The following ERVV-2 variants were observed in gnomAD, a reference collection of about 807,000 sequenced individuals.
ERVV-2 encodes the protein endogenous retrovirus group V member 2 Env polyprotein.
For missense variants in ERVV-2, 291 were observed against 495.1 expected (o/e 0.59, Z 3.91); for synonymous variants, 105 against 184.6 (o/e 0.57, Z 3.49).
In ERVV-2 at chr19:53,050,979, G is replaced by C. The variant is rs2083911194; in HGVS notation, c.*120G>C. The C allele has an allele frequency of 9.9e-7, 1 of 1,007,702 alleles. No individual in the cohort carries two copies. The highest frequency in any genetic ancestry group is 1.4e-6 in the Non-Finnish European group (1 of 713,430). 62.4% of individuals were successfully genotyped at this position (1,007,702 alleles called of 1,614,324 possible). The stretch of plus-strand genomic sequence containing the variant: ...TTTCAGGGTCTCCATCTCTTGAGGA[G>C]GGAAATATTAGGGTAGGCAGGTAGG... On this transcript the variant is annotated 3_prime_UTR_variant, in exon 2 of 2. Coordinates refer to ENST00000601417, the MANE Select transcript of ERVV-2 (RefSeq NM_001191055.2).
At position 53,050,473 on chromosome 19, in the gene ERVV-2, G is replaced by C. The variant is rs1650984; in HGVS notation, c.1222G>C (p.Val408Leu). ...VCAVINKSCC[V>L]YVNNSGAIEE... is the part of the protein sequence containing the mutation. ...TGCAGTGATCAATAAATCCTGTTGC[G>C]TTTATGTCAATAACAGTGGGGCGAT... The change falls in exon 2 of 2, where the codon GTT becomes CTT. Residue 408 changes from valine (V) to leucine (L), a missense_variant. Transcript: ENST00000601417. 2.8e-6 allele frequency: 2 copies of C among 723,296 alleles called. No homozygotes were observed. The highest frequency in any genetic ancestry group is 2.0e-5 in the Admixed American group (1 of 50,012). The allele number at this position is 723,296 out of a possible 1,614,324, so 44.8% of individuals were successfully genotyped here.
chr19:53,046,877 C>T lies in ERVV-2; in HGVS notation c.-386+1919C>T, dbSNP rs111824018. ...GACCAGCCTGATCAACATGGAGAAACCCCGTATCGGCTGGGCACGGTGGCT... is the reference window on the plus strand; with the variant it reads ...GACCAGCCTGATCAACATGGAGAAATCCCGTATCGGCTGGGCACGGTGGCT... On this transcript the variant is annotated intron_variant, in intron 1 of 1. Transcript: ENST00000601417. 4.3e-3 allele frequency among the ~76,000 whole-genome samples: 660 copies of T among 152,260 alleles called. 7 individuals are homozygous for T. The highest frequency in any genetic ancestry group is 0.015 in the African/African-American group (625 of 41,552).
rs554237101 is a variant in ERVV-2 at position 53,045,627 on chromosome 19, C to T, written c.-386+669C>T. 8.8e-4 allele frequency among the ~76,000 whole-genome samples: 134 copies of T among 152,222 alleles called. 1 individual carries two copies. Among genetic ancestry groups the T allele is most frequent in the African/African-American group, 3.2e-3 (131 of 41,544 alleles). On this transcript the variant is annotated intron_variant, in intron 1 of 1. Transcript: ENST00000601417. ...ATATCTTTTAATTAAAACTACAATC[C>T]GGTGTTAAGTCAGCTCTTATACTTG... is the stretch of plus-strand genomic sequence containing the variant.
Position 53,050,458 on chromosome 19 carries a change from A to C in ERVV-2, c.1207A>C (p.Asn403His). 2.8e-6 allele frequency: 2 copies of C among 723,766 alleles called. No individual in the cohort carries two copies. Among genetic ancestry groups the C allele is most frequent in the South Asian group, 1.5e-5 (1 of 67,952 alleles). The allele number at this position is 723,766 out of a possible 1,614,324, so 44.8% of individuals were successfully genotyped here. The change falls in exon 2 of 2, where the codon AAT (asparagine) becomes CAT (histidine). Residue 403 changes from asparagine to histidine, a missense_variant. Physicochemically the swap from Asn to His is moderately conservative, Grantham distance 68 (BLOSUM62 1). Transcript: ENST00000601417. ...AEQGGVCAVINKSCCVYVNNS... is the reference protein window; with the variant it reads ...AEQGGVCAVIHKSCCVYVNNS... ...GCAGGGTGGAGTCTGTGCAGTGATC[A>C]ATAAATCCTGTTGCGTTTATGTCAA...
chr19:53,048,892 T>C lies in ERVV-2; in HGVS notation c.-360T>C, dbSNP rs78814385. The stretch of plus-strand genomic sequence containing the variant: ...CTATCAACATTTCTGGCATCTCCAG[T>C]TGGATACATCAGTCTCAAGTGAAAC... On this transcript the variant is annotated 5_prime_UTR_variant, in exon 2 of 2. Coordinates refer to ENST00000601417, the MANE Select transcript of ERVV-2 (RefSeq NM_001191055.2). The C allele has an allele frequency of 0.14, 57,861 of 414,878 alleles. 4,223 individuals carry two copies. The highest frequency in any genetic ancestry group is 0.19 in the Admixed American group (4,641 of 24,850). The allele number at this position is 414,878 out of a possible 1,614,324, so 25.7% of individuals were successfully genotyped here. A position where few individuals can be genotyped will look rare whatever the true frequency, so the allele number is the denominator to read the frequency against.
At position 53,050,705 on chromosome 19, in the gene ERVV-2, T is replaced by G; in HGVS notation, c.1454T>G (p.Val485Gly). The G allele has an allele frequency of 6.5e-7, 1 of 1,533,586 alleles. No individual in the cohort carries two copies. Among genetic ancestry groups the G allele is most frequent in the South Asian group, 1.2e-5 (1 of 84,010 alleles). 95.0% of individuals were successfully genotyped at this position (1,533,586 alleles called of 1,614,324 possible). ...PCFFNLLIKC[V>G]SSRIKQFHMK... The stretch of plus-strand genomic sequence containing the variant: ...TTCTTTAATTTACTGATTAAGTGTG[T>G]CTCTTCTAGGATAAAGCAATTTCAC... Residue 485 changes from valine (V) to glycine (G), a missense_variant, in exon 2 of 2, where the codon GTC becomes GGC. Val to Gly is a moderately radical substitution (Grantham distance 109). Transcript: ENST00000601417.
Position 53,049,039 on chromosome 19 carries a change from G to T in ERVV-2, c.-213G>T. The T allele has an allele frequency of 2.9e-6, 2 of 684,734 alleles. No individual in the cohort carries two copies. Among genetic ancestry groups the T allele is most frequent in the Non-Finnish European group, 4.8e-6 (2 of 415,214 alleles). The allele number at this position is 684,734 out of a possible 1,614,324, so 42.4% of individuals were successfully genotyped here. On this transcript the variant is annotated 5_prime_UTR_variant, in exon 2 of 2. Transcript: ENST00000601417. ...AAAAGATAAGTAAAGCCTTCTCTCTGTTCACCCAAAACTAAAGTCAATCTC... is the reference window on the plus strand; with the variant it reads ...AAAAGATAAGTAAAGCCTTCTCTCTTTTCACCCAAAACTAAAGTCAATCTC...
At chr19:53,046,591 A>G (rs2083891982) in intron 1 of ERVV-2, among the ~76,000 whole-genome samples, 1 of 152,190 alleles carries the variant, frequency 6.6e-6, no homozygotes. Context: ...GGACTAAAAA[A>G]CCAGAATCAA....
chr19:53,047,735 A>T (rs2083896449), intron 1 of ERVV-2, among the ~76,000 whole-genome samples: 2 of 152,190 alleles, frequency 1.3e-5, no homozygotes, highest in South Asian at 4.1e-4. Flanking sequence ...CACTTCCTCT[A>T]TCCTGCATTC....
In ERVV-2 at chr19:53,048,260, G is replaced by C. The variant is rs189904311; in HGVS notation, c.-385-607G>C. The stretch of plus-strand genomic sequence containing the variant: ...ATGGTGGCGGTCACCTGTAATCTCA[G>C]CTACTCGAGAGGCTGAGGCAGGAGA... On this transcript the variant is annotated intron_variant, in intron 1 of 1. Coordinates refer to ENST00000601417, the MANE Select transcript of ERVV-2 (RefSeq NM_001191055.2). Among the ~76,000 whole-genome samples the C allele has an allele frequency of 3.2e-3, 481 of 152,238 alleles. 2 individuals carry two copies. The highest frequency in any genetic ancestry group is 0.018 in the South Asian group (89 of 4,826).
intron 1 of ERVV-2, among the ~76,000 whole-genome samples, chr19:53,045,833 C>G (rs533880966): frequency 2.0e-5 from 3 of 152,274 alleles, no homozygotes; most frequent in African/African-American, 7.2e-5. Flanking sequence ...TTGCTTCACT[C>G]AGGCGCCAGA....
At position 53,049,044 on chromosome 19, in the gene ERVV-2, C is replaced by T. The variant is rs1458881231; in HGVS notation, c.-208C>T. The T allele has an allele frequency of 1.4e-6, 1 of 709,748 alleles. No homozygotes were observed. The highest frequency in any genetic ancestry group is 2.3e-6 in the Non-Finnish European group (1 of 438,076). 44.0% of individuals were successfully genotyped at this position (709,748 alleles called of 1,614,324 possible). On this transcript the variant is annotated 5_prime_UTR_variant, in exon 2 of 2. Transcript: ENST00000601417. ...ATAAGTAAAGCCTTCTCTCTGTTCA[C>T]CCAAAACTAAAGTCAATCTCAGTAC... is the stretch of plus-strand genomic sequence containing the variant.
rs1054425985 is a variant in ERVV-2 at position 53,050,936 on chromosome 19, G to A, written c.*77G>A. On this transcript the variant is annotated 3_prime_UTR_variant, in exon 2 of 2. Coordinates refer to ENST00000601417, the MANE Select transcript of ERVV-2 (RefSeq NM_001191055.2). ...GAAGTAGTTACAGAAGACCCACGAC[G>A]TCCTTACAACCAGAGCTTTTCAGGG... The A allele has an allele frequency of 1.5e-5, 20 of 1,347,502 alleles. No homozygotes were observed. The highest frequency in any genetic ancestry group is 1.8e-5 in the Non-Finnish European group (18 of 1,017,096). 83.5% of individuals were successfully genotyped at this position (1,347,502 alleles called of 1,614,324 possible). A position where few individuals can be genotyped will look rare whatever the true frequency, so the allele number is the denominator to read the frequency against.
In ERVV-2 at chr19:53,044,880, A is replaced by G. The variant is rs1193458086; in HGVS notation, c.-464A>G. ...TTGACTGAATCCAAGAAGACCAAGAACCAGAGGACTTCCACACCCCTCTGG... is the reference window on the plus strand; with the variant it reads ...TTGACTGAATCCAAGAAGACCAAGAGCCAGAGGACTTCCACACCCCTCTGG... On this transcript the variant is annotated 5_prime_UTR_variant, in exon 1 of 2. Transcript: ENST00000601417. The G allele has an allele frequency of 6.6e-6, 1 of 152,186 alleles. No homozygotes were observed. The highest frequency in any genetic ancestry group is 1.9e-4 in the East Asian group (1 of 5,182). 9.4% of individuals were successfully genotyped at this position (152,186 alleles called of 1,614,324 possible). A position where few individuals can be genotyped will look rare whatever the true frequency, so the allele number is the denominator to read the frequency against.
In ERVV-2 at chr19:53,045,427, C is replaced by T. The variant is rs182450685; in HGVS notation, c.-386+469C>T. ...AAGCGATTCTTCTGCCTCAGCCTCC[C>T]GAGTAGCAGGGACTACAGGCGTGTG... is the stretch of plus-strand genomic sequence containing the variant. On this transcript the variant is annotated intron_variant, in intron 1 of 1. Coordinates refer to ENST00000601417, the MANE Select transcript of ERVV-2 (RefSeq NM_001191055.2). 1.7e-3 allele frequency among the ~76,000 whole-genome samples: 266 copies of T among 152,104 alleles called. 2 individuals are homozygous for T. The highest frequency in any genetic ancestry group is 2.6e-3 in the Non-Finnish European group (178 of 68,002).
rs548149898 is a variant in ERVV-2, at chr19:53,051,324, T to C, written c.*465T>C. 6.6e-6 allele frequency among the ~76,000 whole-genome samples: 1 copy of C among 152,024 alleles called. No individual in the cohort carries two copies. The highest frequency in any genetic ancestry group is 2.1e-4 in the South Asian group (1 of 4,814). On this transcript the variant is annotated 3_prime_UTR_variant, in exon 2 of 2. Transcript: ENST00000601417. ...GCCATGCCCGGCTAATTTTGTATTT[T>C]TAGTAGAGATGGGGTTTCACCATGT... is the stretch of plus-strand genomic sequence containing the variant.
chr19:53,046,513 C>CT (rs1197026422), intron 1 of ERVV-2, among the ~76,000 whole-genome samples: 2 of 152,076 alleles, frequency 1.3e-5, no homozygotes, highest in African/African-American at 4.8e-5. Flanking sequence ...GTCCTTTTTG[C>CT]TTTTTGTTGA....
In ERVV-2 at chr19:53,049,098, T is replaced by A; in HGVS notation, c.-154T>A. On this transcript the variant is annotated 5_prime_UTR_variant, in exon 2 of 2. Transcript: ENST00000601417. ...GAATCTTGGTTGCGGTGGCATTGGT[T>A]CTTCTCCTTATTTTGACCCAACTGG... 1.3e-6 allele frequency: 1 copy of A among 795,694 alleles called. No individual in the cohort carries two copies. The highest frequency in any genetic ancestry group is 2.7e-5 in the East Asian group (1 of 37,178). 49.3% of individuals were successfully genotyped at this position (795,694 alleles called of 1,614,324 possible).
chr19:53,051,487 T>G lies in ERVV-2; in HGVS notation c.*628T>G, dbSNP rs1446698182. On this transcript the variant is annotated 3_prime_UTR_variant, in exon 2 of 2. Coordinates refer to ENST00000601417, the MANE Select transcript of ERVV-2 (RefSeq NM_001191055.2). The stretch of plus-strand genomic sequence containing the variant: ...AATGGCACATTCATGAAAAATCATG[T>G]AAGGTTCTCATAAAAACATCTGCCC... 6.6e-6 allele frequency among the ~76,000 whole-genome samples: 1 copy of G among 152,098 alleles called. No individual in the cohort carries two copies. The highest frequency in any genetic ancestry group is 1.5e-5 in the Non-Finnish European group (1 of 68,026).
Sources: gnomAD v4.1 joint callset for allele counts (sites outside exome capture counted in the v4.1 genomes callset) on GRCh38, gnomAD v4.1.1 for gene constraint, MANE v1.5 for transcripts, NCBI Gene and HGNC (gene_info 2026-07-23, HGNC 2026-07-21) for gene names.